Variants in ACOT11 observed in about 807,000 individuals in gnomAD.
ACOT11 encodes the protein acyl-CoA thioesterase 11, also known as acyl-coenzyme A thioesterase 11.
In ACOT11, 69 loss-of-function variants were observed where a neutral mutation model predicts 77.5. The ratio of observed to expected loss-of-function variants is 0.89; its 90% confidence interval spans 0.73 to 1.09. ACOT11 has a LOEUF of 1.09. ACOT11 is among the 50% of genes least tolerant of loss of function. ACOT11 has a pLI of 0.00. For missense variants in ACOT11, 766 were observed against 813.7 expected (o/e 0.94, Z 0.71); for synonymous variants, 279 against 313.0 (o/e 0.89, Z 1.15).
Position 54,601,269 on chromosome 1 carries a change from C to A in ACOT11, c.885C>A (p.Ser295Arg). 6.2e-7 allele frequency: 1 copy of A among 1,610,152 alleles called. No individual in the cohort carries two copies. Among genetic ancestry groups the A allele is most frequent in the Non-Finnish European group, 8.5e-7 (1 of 1,179,684 alleles). Residue 295 changes from serine (S) to arginine (R), a missense_variant and splice_region_variant, in exon 9 of 16, where the codon AGC becomes AGA. Coordinates refer to ENST00000343744, the MANE Select transcript of ACOT11 (RefSeq NM_147161.4). ...TGGAAGCCACACTCCCTCCCCTCAG[C>A]ATGGAGGTGGGCGTGTGCGTGGAGG... The part of the protein sequence containing the change: ...KAIVNNAFKH[S>R]MEVGVCVEAY...
intron 1 of ACOT11, among the ~76,000 whole-genome samples, chr1:54,570,825 C>T (rs1653905443): frequency 6.6e-6 from 1 of 151,646 alleles, no homozygotes; most frequent in Non-Finnish European, 1.5e-5. Context: ...GGATTACAGG[C>T]ACCCGCCACC....
intron 5 of ACOT11, 121 bp from the exon 6 acceptor site, chr1:54,594,435 G>A (rs762375679): frequency 5.1e-5 from 67 of 1,317,200 alleles, no homozygotes; most frequent in Non-Finnish European, 6.6e-5. Flanking sequence ...CCTTGGAACT[G>A]AGCAGCAGCC....
At chr1:54,631,637 A>G (rs1016531807) in intron 16 of ACOT11, among the ~76,000 whole-genome samples, 1 of 152,200 alleles carries the variant, frequency 6.6e-6, no homozygotes, top group Non-Finnish European at 1.5e-5. Flanking sequence ...GTCATGCAGG[A>G]TGATGCCATG....
At chr1:54,605,360 A>G in intron 13 of ACOT11, 151 bp downstream of exon 13, 1 of 1,316,588 alleles carries the variant, frequency 7.6e-7, no homozygotes, top group Non-Finnish European at 1.0e-6. Context: ...GTTCAGGGTC[A>G]TGGGTATTTT....
At chr1:54,628,580 G>A (rs1001098899) in intron 15 of ACOT11, 4 of 119,286 alleles carry the variant, frequency 3.4e-5, no homozygotes, top group African/African-American at 1.1e-4. Context: ...GGGCATCAGA[G>A]CAAGACCCCA....
At chr1:54,589,573 C>T (rs1273839829) in intron 3 of ACOT11, among the ~76,000 whole-genome samples, 1 of 152,030 alleles carries the variant, frequency 6.6e-6, no homozygotes, top group Admixed American at 6.6e-5. Context: ...TGGGCTCAAG[C>T]GATCCTTCCA....
chr1:54,624,591 G>A (rs1230581335), intron 15 of ACOT11, among the ~76,000 whole-genome samples: 1 of 152,180 alleles, frequency 6.6e-6, no homozygotes, highest in Non-Finnish European at 1.5e-5. Context: ...CAGGCGGAGA[G>A]TTGGAGGAAG....
chr1:54,607,389 C>T lies in ACOT11; in HGVS notation c.1502+124C>T. ...GCTCTGCTTCCCATTGGCTGTGGGG[C>T]CCCAGGCACCACTAGACTTTTCTGG... On this transcript the variant is annotated intron_variant, in intron 14 of 15. Transcript: ENST00000343744. The surrounding 1 kb of genome is among the most constrained non-coding windows in gnomAD (Gnocchi z 4.5). The T allele has an allele frequency of 7.0e-7, 1 of 1,428,404 alleles. No homozygotes were observed. 88.5% of individuals were successfully genotyped at this position (1,428,404 alleles called of 1,614,324 possible). A position where few individuals can be genotyped will look rare whatever the true frequency, so the allele number is the denominator to read the frequency against.
intron 15 of ACOT11, among the ~76,000 whole-genome samples, chr1:54,626,854 T>TTTTA (rs142456850): frequency 0.031 from 4,109 of 134,130 alleles, 942 homozygotes; most frequent in Non-Finnish European, 0.05. Flanking sequence ...GGAGGCATTC[T>TTTTA]TTTATTTATT....
intron 8 of ACOT11, among the ~76,000 whole-genome samples, chr1:54,600,017 G>A (rs1643943881): frequency 6.6e-6 from 1 of 152,190 alleles, no homozygotes; most frequent in African/African-American, 2.4e-5. Context: ...ACCCCTCTGA[G>A]TGTCAGTTCT....
downstream of ACOT11, among the ~76,000 whole-genome samples, chr1:54,612,069 AG>A (rs1644124123): frequency 2.5e-5 from 1 of 39,916 alleles, no homozygotes; most frequent in Non-Finnish European, 5.1e-5. Flanking sequence ...AGGCATCAAG[AG>A]GGGGAGGGGG....
intron 1 of ACOT11, among the ~76,000 whole-genome samples, chr1:54,557,131 C>T (rs1216477724): frequency 5.3e-5 from 8 of 151,762 alleles, no homozygotes; most frequent in Non-Finnish European, 7.4e-5. Flanking sequence ...TGGTGGCTCA[C>T]GCTTGTAATC....
rs1230003826 is a variant in ACOT11, at chr1:54,607,286, G to A, written c.1502+21G>A. 4.3e-6 allele frequency: 7 copies of A among 1,613,734 alleles called. No homozygotes were observed. Among genetic ancestry groups the A allele is most frequent in the Non-Finnish European group, 5.9e-6 (7 of 1,179,816 alleles). On this transcript the variant is annotated intron_variant, in intron 14 of 15. Coordinates refer to ENST00000343744, the MANE Select transcript of ACOT11 (RefSeq NM_147161.4). This position sits in a 1 kb window ranked among gnomAD's most constrained non-coding sequence, Gnocchi z 4.5. ...AATGGGTGTGTGCCTATCTGCTGTGGGGTGGGGGACACAACTGGACAGGGT... is the reference window on the plus strand; with the variant it reads ...AATGGGTGTGTGCCTATCTGCTGTGAGGTGGGGGACACAACTGGACAGGGT...
intron 1 of ACOT11, among the ~76,000 whole-genome samples, chr1:54,563,053 G>T (rs1358456353): frequency 6.6e-6 from 1 of 151,412 alleles, no homozygotes; most frequent in Non-Finnish European, 1.5e-5. Context: ...GGCCAAGGCA[G>T]GCGGCTGCTC....
chr1:54,564,268 A>T (rs371165788), intron 1 of ACOT11, among the ~76,000 whole-genome samples: 1 of 152,130 alleles, frequency 6.6e-6, no homozygotes, highest in Non-Finnish European at 1.5e-5. Flanking sequence ...TAAAATAAAA[A>T]AAGAAAAAAA....
intron 15 of ACOT11, chr1:54,623,508 C>T (rs1255182275): frequency 5.1e-6 from 4 of 783,754 alleles, no homozygotes; most frequent in African/African-American, 3.4e-5. Context: ...TAATTCTCCA[C>T]CGGGCCTGGT....
At chr1:54,551,130 C>CA (rs11367325) in intron 1 of ACOT11, among the ~76,000 whole-genome samples, 17,944 of 90,736 alleles carry the variant, frequency 0.2, 1,944 homozygotes, top group Non-Finnish European at 0.27. Context: ...ACAGTGGTCT[C>CA]AAAAAAAAAA....
chr1:54,618,297 A>C (rs538460281), intron 15 of ACOT11, among the ~76,000 whole-genome samples: 1 of 152,274 alleles, frequency 6.6e-6, no homozygotes, highest in African/African-American at 2.4e-5. Context: ...TGAGTTTAGG[A>C]GTTCGAGACT....
intron 13 of ACOT11, among the ~76,000 whole-genome samples, chr1:54,606,136 C>A (rs1337667229): frequency 6.6e-6 from 1 of 152,180 alleles, no homozygotes; most frequent in Non-Finnish European, 1.5e-5. Context: ...GGCCATGTTG[C>A]CTTAAAAAGC....
Sources: allele counts gnomAD v4.1 joint callset (sites outside exome capture counted in the v4.1 genomes callset), GRCh38; gene constraint gnomAD v4.1.1; non-coding constraint Gnocchi (gnomAD v3.1); transcripts MANE v1.5; gene names NCBI Gene and HGNC (gene_info 2026-07-23, HGNC 2026-07-21).